The following HDX variants were observed in gnomAD, a reference collection of about 807,000 sequenced individuals.
HDX encodes highly divergent homeobox, also known as chromosome X open reading frame 43.
A neutral mutation model predicts 45.2 loss-of-function variants in HDX; 19 were observed. That is an observed-to-expected ratio of 0.42 (90% CI 0.29 to 0.62). The LOEUF (loss-of-function observed/expected upper bound fraction) is 0.62, where lower values mean the gene tolerates loss of function less well. Ranked by LOEUF, HDX falls within the 20% of genes least tolerant of loss-of-function variation. HDX has a pLI of 0.20. For missense variants in HDX, 532 were observed against 493.9 expected, an observed-to-expected ratio of 1.08 and a Z score of -0.73; for synonymous variants, 188 against 172.8, an observed-to-expected ratio of 1.09 and a Z score of -0.69.
intron 5 of HDX, among the ~76,000 whole-genome samples, chrX:84,435,731 T>C (rs2039611928): frequency 9.2e-6 from 1 of 109,025 alleles, no homozygotes; most frequent in African/African-American, 3.4e-5. Context: ...CTTGAATTGA[T>C]TTTTGTATAA....
At chrX:84,419,035 C>A (rs1332674289) in intron 5 of HDX, among the ~76,000 whole-genome samples, 1 of 111,786 alleles carries the variant, frequency 8.9e-6, no homozygotes, top group African/African-American at 3.3e-5. Context: ...ACAACATAGG[C>A]CAGAAAAGAA....
chrX:84,453,354 A>G (rs1033565913), intron 4 of HDX, among the ~76,000 whole-genome samples: 7 of 111,468 alleles, frequency 6.3e-5, no homozygotes, highest in Admixed American at 1.9e-4. Context: ...AGCTGACACC[A>G]TACCTCCCCC....
intron 6 of HDX, among the ~76,000 whole-genome samples, chrX:84,350,095 C>T (rs1367548529): frequency 1.8e-5 from 2 of 111,170 alleles, no homozygotes; most frequent in South Asian, 3.8e-4. Flanking sequence ...CTTTGACCCA[C>T]GGATTATTTA....
Position 84,341,594 on chromosome X carries a change from T to C in HDX, c.1660+2656A>G, listed in dbSNP as rs938240102. 2.7e-5 allele frequency among the ~76,000 whole-genome samples: 3 copies of C among 111,054 alleles called. No individual in the cohort carries two copies. In the Admixed American group the frequency reaches 2.9e-4, roughly 11 times the overall value. ...CTCTCCCCATGCAGTTAATTGCTTT[T>C]TTAAAGAATTTCTAAAACACCAAAT... On this transcript the variant is annotated intron_variant, in intron 7 of 10. Transcript: ENST00000373177.
chrX:84,410,837 T>A (rs2038966053), intron 5 of HDX, among the ~76,000 whole-genome samples: 1 of 111,647 alleles, frequency 9.0e-6, no homozygotes, highest in Admixed American at 9.5e-5. Context: ...ACTGATTCAA[T>A]TTTGGAATTC....
chrX:84,481,829 G>T (rs1048771798), intron 2 of HDX, among the ~76,000 whole-genome samples: 88 of 111,388 alleles, frequency 7.9e-4, no homozygotes, highest in African/African-American at 2.7e-3. Flanking sequence ...AGTGAACATA[G>T]TACCCAGTAG....
intron 4 of HDX, among the ~76,000 whole-genome samples, chrX:84,453,812 C>A (rs777449869): frequency 5.4e-5 from 6 of 111,839 alleles, no homozygotes; most frequent in Non-Finnish European, 1.1e-4. Flanking sequence ...GTGGGAGCGA[C>A]ACCTTCCCTT....
intron 4 of HDX, among the ~76,000 whole-genome samples, chrX:84,450,920 A>G: frequency 8.9e-6 from 1 of 112,050 alleles, no homozygotes; most frequent in Non-Finnish European, 1.9e-5. Context: ...AAATACATGG[A>G]TATTAAACAA....
chrX:84,498,198 G>A (rs770435721), intron 1 of HDX, among the ~76,000 whole-genome samples: 4 of 111,804 alleles, frequency 3.6e-5, no homozygotes, highest in Non-Finnish European at 7.5e-5. Context: ...GATGTAAGGT[G>A]AAGCATTTAA....
chrX:84,354,905 A>T (rs1216848061), intron 6 of HDX, among the ~76,000 whole-genome samples: 5 of 92,115 alleles, frequency 5.4e-5, no homozygotes, highest in African/African-American at 1.9e-4. Flanking sequence ...GAATAAAGAG[A>T]CATATATATA....
At chrX:84,481,799 A>G (rs2040685615) in intron 2 of HDX, among the ~76,000 whole-genome samples, 1 of 111,209 alleles carries the variant, frequency 9.0e-6, no homozygotes, top group African/African-American at 3.3e-5. Context: ...TTGCGCTTCT[A>G]GTGAACCCAT....
chrX:84,415,300 A>G (rs935850384), intron 5 of HDX, among the ~76,000 whole-genome samples: 4 of 112,169 alleles, frequency 3.6e-5, no homozygotes, highest in Non-Finnish European at 7.5e-5. Flanking sequence ...CACCAGAGGG[A>G]GAACAGAAAG....
intron 8 of HDX, 142 bp from the exon 9 acceptor site, chrX:84,333,984 A>G (rs2036899664): frequency 2.8e-6 from 1 of 357,326 alleles, no homozygotes; most frequent in Non-Finnish European, 5.0e-6. Context: ...CTGGCTCCTC[A>G]GTGTTACATA....
At chrX:84,427,449 T>G (rs1260078379) in intron 5 of HDX, among the ~76,000 whole-genome samples, 1 of 111,453 alleles carries the variant, frequency 9.0e-6, no homozygotes, top group African/African-American at 3.2e-5. Context: ...TAATGCCTCC[T>G]GTTAATCAAC....
intron 5 of HDX, among the ~76,000 whole-genome samples, chrX:84,421,317 C>G (rs1416610591): frequency 9.0e-6 from 1 of 111,222 alleles, no homozygotes; most frequent in Non-Finnish European, 1.9e-5. Flanking sequence ...TTCCGTTTTG[C>G]TTGTTTCTCA....
At chrX:84,495,537 A>T (rs2040983211) in intron 1 of HDX, among the ~76,000 whole-genome samples, 1 of 111,695 alleles carries the variant, frequency 9.0e-6, no homozygotes, top group Admixed American at 9.5e-5. Flanking sequence ...TAATGTAATC[A>T]TGCTCCAGAC....
chrX:84,356,349 G>A lies in HDX; in HGVS notation c.1452+5117C>T, dbSNP rs1425132513. Reference sequence around the variant, plus strand: ...TCTGCCATGAGCATTCTAGTATGTTGGAAAATCATGAGAAACAAAAGGATA... The same window carrying A: ...TCTGCCATGAGCATTCTAGTATGTTAGAAAATCATGAGAAACAAAAGGATA... On this transcript the variant is annotated intron_variant, in intron 6 of 10. Transcript: ENST00000373177. Among the ~76,000 whole-genome samples, 3 of 111,223 alleles carry A rather than the reference G, an allele frequency of 2.7e-5. No individual in the cohort carries two copies. In the East Asian group the frequency reaches 8.5e-4, roughly 31 times the overall value.
chrX:84,443,840 T>C (rs1267453204), intron 4 of HDX, among the ~76,000 whole-genome samples: 1 of 112,029 alleles, frequency 8.9e-6, no homozygotes, highest in African/African-American at 3.2e-5. Flanking sequence ...TAAGTATATA[T>C]AACTTTCCAG....
At chrX:84,389,769 T>A (rs2038400085) in intron 5 of HDX, among the ~76,000 whole-genome samples, 1 of 110,724 alleles carries the variant, frequency 9.0e-6, no homozygotes, top group Admixed American at 9.6e-5. Context: ...ATTACTGCTC[T>A]CCACCGGAGC....
Sources: gnomAD v4.1 joint callset for allele counts (sites outside exome capture counted in the v4.1 genomes callset) on GRCh38, gnomAD v4.1.1 for gene constraint, MANE v1.5 for transcripts, NCBI Gene and HGNC (gene_info 2026-07-23, HGNC 2026-07-21) for gene names.